Variants in RBMS3 observed in about 807,000 individuals in gnomAD.
RBMS3 encodes RNA-binding motif, single-stranded-interacting protein 3.
RBMS3 carries 27 observed loss-of-function variants against 66.8 expected under a neutral mutation model. The ratio of observed to expected loss-of-function variants is 0.40; its 90% CI spans 0.30 to 0.56. RBMS3 has a LOEUF of 0.56. Ranked by LOEUF, RBMS3 falls within the 20% of genes least tolerant of loss-of-function variation. The pLI, the probability that RBMS3 is intolerant of heterozygous loss-of-function variation, is 0.40. For missense variants in RBMS3, 513 were observed against 549.5 expected, an observed-to-expected ratio of 0.93 and a Z score of 0.66; for synonymous variants, 188 against 183.0, an observed-to-expected ratio of 1.03 and a Z score of -0.22.
chr3:29,427,637 A>G (rs891374892), intron 1 of RBMS3, among the ~76,000 whole-genome samples: 67 of 152,238 alleles, frequency 4.4e-4, no homozygotes, highest in African/African-American at 1.5e-3. Context: ...TTTGGATAGT[A>G]AAAGAGATGG....
chr3:29,381,925 ATCTTTCTTTCCTTCCCTGTATATC>A (rs1412105453), intron 1 of RBMS3, among the ~76,000 whole-genome samples: 79 of 152,264 alleles, frequency 5.2e-4, no homozygotes, highest in African/African-American at 1.7e-3. Context: ...AACAGCTTCT[ATCTTTCTTTCCTTCCCTGTATATC>A]TCTTTCTTTC....
At chr3:29,823,694 A>C (rs1206158292) in intron 6 of RBMS3, among the ~76,000 whole-genome samples, 1 of 152,166 alleles carries the variant, frequency 6.6e-6, no homozygotes, top group African/African-American at 2.4e-5. Flanking sequence ...TTAAGTAGTC[A>C]TATATGGTTA....
At chr3:29,296,752 T>C (rs1395953678) in intron 1 of RBMS3, among the ~76,000 whole-genome samples, 2 of 151,776 alleles carry the variant, frequency 1.3e-5, no homozygotes, top group Admixed American at 1.3e-4. Context: ...TTTCTGATAG[T>C]AGTTAATCCT....
At chr3:29,808,948 A>G (rs956340400) in intron 6 of RBMS3, among the ~76,000 whole-genome samples, 1 of 151,984 alleles carries the variant, frequency 6.6e-6, no homozygotes, top group Non-Finnish European at 1.5e-5. Flanking sequence ...TAAGGACATT[A>G]AGGAAAAACA....
chr3:29,450,629 T>C (rs2041979561), intron 2 of RBMS3, among the ~76,000 whole-genome samples: 1 of 152,114 alleles, frequency 6.6e-6, no homozygotes. Context: ...AACATTGAAA[T>C]TACCGCAAGG....
chr3:29,509,776 CA>C (rs2044326422), intron 3 of RBMS3, among the ~76,000 whole-genome samples: 2 of 152,314 alleles, frequency 1.3e-5, no homozygotes, highest in South Asian at 4.1e-4. Flanking sequence ...TTTCTTTATT[CA>C]TGTTTCACTT....
At chr3:29,674,415 G>T (rs1009970965) in intron 4 of RBMS3, among the ~76,000 whole-genome samples, 1 of 151,926 alleles carries the variant, frequency 6.6e-6, no homozygotes, top group African/African-American at 2.4e-5. Flanking sequence ...GTAATCAGGC[G>T]GGAGAAAGAA....
At chr3:29,788,126 A>G (rs1175741807) in intron 6 of RBMS3, among the ~76,000 whole-genome samples, 1 of 147,618 alleles carries the variant, frequency 6.8e-6, no homozygotes, top group Non-Finnish European at 1.5e-5. Context: ...TTATATTTTC[A>G]CTCCAACAGT....
At chr3:29,371,799 A>G (rs1374781263) in intron 1 of RBMS3, among the ~76,000 whole-genome samples, 1 of 152,232 alleles carries the variant, frequency 6.6e-6, no homozygotes, top group African/African-American at 2.4e-5. Flanking sequence ...AATTAAAACC[A>G]GCAAACCTGA....
intron 6 of RBMS3, among the ~76,000 whole-genome samples, chr3:29,827,230 A>G (rs9859877): frequency 0.41 from 62,783 of 151,912 alleles, 13,473 homozygotes; most frequent in Non-Finnish European, 0.47. Flanking sequence ...TACTTCCCCT[A>G]GAAGACACTT....
In RBMS3 at chr3:29,691,048, T is replaced by C. The variant is rs567977006; in HGVS notation, c.400-48672T>C. On this transcript the variant is annotated intron_variant, in intron 4 of 14. Transcript: ENST00000383767. ...GAGGATTAGGTACACCTAGAAAATATAATCTACCAGAGGGAGTTCTATTAT... is the reference window on the plus strand; with the variant it reads ...GAGGATTAGGTACACCTAGAAAATACAATCTACCAGAGGGAGTTCTATTAT... 4.9e-4 allele frequency among the ~76,000 whole-genome samples: 74 copies of C among 152,330 alleles called. 1 individual carries two copies. The highest frequency in any genetic ancestry group is 1.7e-3 in the African/African-American group (70 of 41,580).
intron 3 of RBMS3, among the ~76,000 whole-genome samples, chr3:29,527,981 G>A (rs1278633175): frequency 2.0e-5 from 3 of 151,888 alleles, no homozygotes; most frequent in Admixed American, 6.6e-5. Context: ...AAAATTCTTA[G>A]TGTATTTTTT....
rs1387075542 is a variant in RBMS3, at chr3:29,950,330, A to G, written c.1098+6076A>G. On this transcript the variant is annotated intron_variant, in intron 12 of 14. Coordinates refer to ENST00000383767, the MANE Select transcript of RBMS3 (RefSeq NM_001003793.3). Reference sequence around the variant, plus strand: ...TTAAAGCATCCCGCAGCAGCAGCACACAGCATCACTTAGTGCCTCAGTCAT... The same window carrying G: ...TTAAAGCATCCCGCAGCAGCAGCACGCAGCATCACTTAGTGCCTCAGTCAT... 2.0e-5 allele frequency among the ~76,000 whole-genome samples: 3 copies of G among 152,012 alleles called. No homozygotes were observed. The East Asian group carries it at 5.8e-4, about 30-fold the overall frequency.
chr3:29,717,362 G>A (rs1196115014), intron 4 of RBMS3, among the ~76,000 whole-genome samples: 2 of 151,856 alleles, frequency 1.3e-5, no homozygotes, highest in Non-Finnish European at 2.9e-5. Context: ...TTACTTCTAG[G>A]CAAGTATAAT....
chr3:29,609,241 T>C (rs1053316517), intron 4 of RBMS3, among the ~76,000 whole-genome samples: 5 of 152,064 alleles, frequency 3.3e-5, no homozygotes, highest in Admixed American at 2.0e-4. Flanking sequence ...TAAGTGAAGA[T>C]GACACTTAAT....
intron 6 of RBMS3, among the ~76,000 whole-genome samples, chr3:29,815,448 C>T (rs2057858761): frequency 6.6e-6 from 1 of 152,066 alleles, no homozygotes; most frequent in Non-Finnish European, 1.5e-5. Flanking sequence ...AGTATGGGCT[C>T]TGGAGTAACA....
intron 10 of RBMS3, among the ~76,000 whole-genome samples, chr3:29,918,691 G>C (rs937343135): frequency 1.2e-4 from 19 of 152,220 alleles, no homozygotes; most frequent in Middle Eastern, 3.4e-3. Context: ...AGATAACTAT[G>C]AGAAAATTCT....
At chr3:29,687,445 A>T (rs2051782485) in intron 4 of RBMS3, among the ~76,000 whole-genome samples, 1 of 152,220 alleles carries the variant, frequency 6.6e-6, no homozygotes, top group Admixed American at 6.5e-5. Flanking sequence ...AAACATTATT[A>T]TCTACAGGAT....
intron 1 of RBMS3, among the ~76,000 whole-genome samples, chr3:29,340,467 G>A (rs1391592761): frequency 6.6e-6 from 1 of 152,068 alleles, no homozygotes; most frequent in Non-Finnish European, 1.5e-5. Context: ...ACTTAATGAA[G>A]GACTTTGAAT....
Sources: gnomAD v4.1 joint callset for allele counts (sites outside exome capture counted in the v4.1 genomes callset) on GRCh38, gnomAD v4.1.1 for gene constraint, MANE v1.5 for transcripts, NCBI Gene and HGNC (gene_info 2026-07-23, HGNC 2026-07-21) for gene names.